OSTN: variants seen among roughly 807,000 people sequenced by gnomAD.
OSTN encodes the protein osteocrin.
A neutral mutation model predicts 12.0 loss-of-function variants in OSTN; 9 were observed. The observed-to-expected ratio is 0.75, with a 90% CI of 0.45 to 1.30. The LOEUF (loss-of-function observed/expected upper bound fraction) is 1.30. Ranked by LOEUF, OSTN falls within the 50% of genes most tolerant of loss-of-function variation. The probability of loss-of-function intolerance (pLI) is 0.00; values close to 1 mark genes in which losing one functional copy is unlikely to be tolerated. For missense variants in OSTN, 148 were observed against 152.3 expected (o/e 0.97, Z 0.15); for synonymous variants, 59 against 56.9 (o/e 1.04, Z -0.16).
intron 4 of OSTN, among the ~76,000 whole-genome samples, chr3:191,262,531 C>T (rs1290818249): frequency 1.3e-5 from 2 of 152,100 alleles, no homozygotes; most frequent in Non-Finnish European, 2.9e-5. Flanking sequence ...TTTGTCACGG[C>T]AGTATCCTTT....
intron 3 of OSTN, among the ~76,000 whole-genome samples, chr3:191,248,035 T>G (rs1348523597): frequency 6.6e-6 from 1 of 152,164 alleles, no homozygotes; most frequent in South Asian, 2.1e-4. Context: ...GGTTTCACCA[T>G]GTTGGCCAGG....
intron 4 of OSTN, among the ~76,000 whole-genome samples, chr3:191,261,483 T>C (rs1404786097): frequency 6.6e-6 from 1 of 152,150 alleles, no homozygotes; most frequent in Non-Finnish European, 1.5e-5. Flanking sequence ...TCAGAGAGAA[T>C]AGATGGCAAA....
intron 3 of OSTN, among the ~76,000 whole-genome samples, chr3:191,249,124 T>G (rs182334025): frequency 6.6e-6 from 1 of 152,316 alleles, no homozygotes; most frequent in African/African-American, 2.4e-5. Context: ...CCTCACAATT[T>G]TATAAGCCAG....
intron 3 of OSTN, among the ~76,000 whole-genome samples, chr3:191,234,785 A>G (rs1043738191): frequency 7.2e-5 from 11 of 151,984 alleles, no homozygotes; most frequent in Non-Finnish European, 1.0e-4. Context: ...AGGTCTTGCA[A>G]GGAGTGGCCA....
chr3:191,203,701 G>A (rs889663862), intron 1 of OSTN, among the ~76,000 whole-genome samples: 2 of 150,448 alleles, frequency 1.3e-5, no homozygotes, highest in Non-Finnish European at 3.0e-5. Flanking sequence ...AATTTGTTTG[G>A]GAGATAGAAA....
intron 3 of OSTN, among the ~76,000 whole-genome samples, chr3:191,222,294 G>A (rs1009503918): frequency 6.6e-6 from 1 of 152,126 alleles, no homozygotes; most frequent in Non-Finnish European, 1.5e-5. Flanking sequence ...CTGTGCACCT[G>A]GAAAAGCCAC....
chr3:191,206,851 C>T (rs1714288180), intron 1 of OSTN, among the ~76,000 whole-genome samples: 1 of 152,164 alleles, frequency 6.6e-6, no homozygotes, highest in African/African-American at 2.4e-5. Context: ...TATTGTCACT[C>T]TGTCATTTAT....
chr3:191,258,234 G>A (rs910161838), intron 4 of OSTN, among the ~76,000 whole-genome samples: 3 of 152,208 alleles, frequency 2.0e-5, no homozygotes, highest in African/African-American at 7.2e-5. Flanking sequence ...CATAAGGAGA[G>A]CAATCTCATT....
intron 2 of OSTN, among the ~76,000 whole-genome samples, chr3:191,218,077 G>A (rs1714667545): frequency 6.6e-6 from 1 of 152,086 alleles, no homozygotes; most frequent in Non-Finnish European, 1.5e-5. Flanking sequence ...TAACCAACCT[G>A]GCACAAGGCA....
intron 3 of OSTN, among the ~76,000 whole-genome samples, chr3:191,244,997 G>A (rs1158156984): frequency 6.6e-6 from 1 of 152,082 alleles, no homozygotes; most frequent in African/African-American, 2.4e-5. Context: ...GGTGTTTCTG[G>A]AAGGTCTGTC....
chr3:191,250,137 AG>A lies in OSTN; in HGVS notation c.*12+5del, dbSNP rs770414734. 1 of 1,570,852 alleles carries A rather than the reference AG, an allele frequency of 6.4e-7. No individual in the cohort carries two copies. The highest frequency in any genetic ancestry group is 2.2e-5 in the East Asian group (1 of 44,654). On this transcript the variant is annotated splice_donor_5th_base_variant and intron_variant, in intron 4 of 4. Transcript: ENST00000682035. ...CAGAGGCTAATTGATTCCAATTGTG[AG>A]TACAATTTGAATAAGTAACAGTATA...
At chr3:191,199,736 C>G (rs1372753545) in intron 1 of OSTN, among the ~76,000 whole-genome samples, 8 of 151,980 alleles carry the variant, frequency 5.3e-5, no homozygotes, top group Admixed American at 5.2e-4. Context: ...AGAAACATCC[C>G]TAAACTAATG....
intron 1 of OSTN, among the ~76,000 whole-genome samples, chr3:191,204,442 C>T (rs1374135762): frequency 1.3e-5 from 2 of 152,136 alleles, no homozygotes; most frequent in Non-Finnish European, 2.9e-5. Context: ...TTCAATTGCT[C>T]TTGGGTGAAA....
chr3:191,241,055 C>T (rs1715305570), intron 3 of OSTN, among the ~76,000 whole-genome samples: 1 of 151,734 alleles, frequency 6.6e-6, no homozygotes, highest in Non-Finnish European at 1.5e-5. Context: ...ATTAACTTCC[C>T]TGTTTTACTA....
At chr3:191,226,940 A>G (rs574013729) in intron 3 of OSTN, among the ~76,000 whole-genome samples, 2 of 152,180 alleles carry the variant, frequency 1.3e-5, no homozygotes, top group Non-Finnish European at 2.9e-5. Flanking sequence ...TGGAAGTTCT[A>G]CATAGAGAAG....
intron 4 of OSTN, among the ~76,000 whole-genome samples, chr3:191,260,925 T>C (rs937042742): frequency 6.6e-6 from 1 of 152,192 alleles, no homozygotes; most frequent in Non-Finnish European, 1.5e-5. Context: ...CCAGAGATAC[T>C]ATACCCCAAG....
chr3:191,240,965 G>A (rs1401883744), intron 3 of OSTN, among the ~76,000 whole-genome samples: 1 of 152,162 alleles, frequency 6.6e-6, no homozygotes, highest in African/African-American at 2.4e-5. Flanking sequence ...CAATGTGGAA[G>A]GAGACTACAT....
intron 3 of OSTN, among the ~76,000 whole-genome samples, chr3:191,246,343 C>T (rs550348830): frequency 2.6e-5 from 4 of 152,026 alleles, no homozygotes; most frequent in South Asian, 2.1e-4. Context: ...TGGTGGCTCA[C>T]GCCAGTAATC....
chr3:191,261,494 T>C (rs984164143), intron 4 of OSTN, among the ~76,000 whole-genome samples: 1 of 152,182 alleles, frequency 6.6e-6, no homozygotes, highest in Non-Finnish European at 1.5e-5. Context: ...AGATGGCAAA[T>C]GTTTCTTTTC....
Sources: allele counts gnomAD v4.1 joint callset (sites outside exome capture counted in the v4.1 genomes callset), GRCh38; gene constraint gnomAD v4.1.1; transcripts MANE v1.5; gene names NCBI Gene and HGNC (gene_info 2026-07-23, HGNC 2026-07-21).